The following AP1G1 variants were observed in gnomAD, a reference collection of about 807,000 sequenced individuals.
AP1G1 encodes the protein AP-1 complex subunit gamma-1.
A neutral mutation model predicts 108.3 loss-of-function variants in AP1G1; 7 were observed. The observed-to-expected ratio is 0.06, with a 90% CI of 0.04 to 0.12. The LOEUF (loss-of-function observed/expected upper bound fraction) is 0.12. Ranked by LOEUF, AP1G1 falls within the 10% of genes least tolerant of loss-of-function variation. The pLI, the probability that AP1G1 is intolerant of heterozygous loss-of-function variation, is 1.00. For synonymous variants in AP1G1, 379 were observed against 353.5 expected (o/e 1.07, Z -0.81); for missense variants, 756 against 1,010.7 (o/e 0.75, Z 3.42).
At chr16:71,797,550 C>G (rs1428857779) in intron 1 of AP1G1, among the ~76,000 whole-genome samples, 1 of 152,070 alleles carries the variant, frequency 6.6e-6, no homozygotes, top group African/African-American at 2.4e-5. Flanking sequence ...CCTGTAATCC[C>G]AGCACTTTGG....
Position 71,732,939 on chromosome 16 carries a change from A to T in AP1G1, c.*119T>A. ...TAACTTTAGGAAAATCCTCCTCAGC[A>T]GTTCTCTTCAGCTCCTCATGCCCGT... On this transcript the variant is annotated 3_prime_UTR_variant, in exon 23 of 23. Coordinates refer to ENST00000299980, the MANE Select transcript of AP1G1 (RefSeq NM_001128.6). 1 of 718,312 alleles carries T rather than the reference A, an allele frequency of 1.4e-6. No homozygotes were observed. 44.5% of individuals were successfully genotyped at this position (718,312 alleles called of 1,614,324 possible). A position where few individuals can be genotyped will look rare whatever the true frequency, so the allele number is the denominator to read the frequency against.
intron 11 of AP1G1, 149 bp from the exon 12 acceptor site, chr16:71,756,308 A>C: frequency 1.7e-6 from 1 of 596,376 alleles, no homozygotes; most frequent in South Asian, 3.2e-5. Context: ...CACACGAAAT[A>C]ACCAAGGAGA....
At position 71,750,317 on chromosome 16, in the gene AP1G1, G is replaced by A. The variant is rs768433108; in HGVS notation, c.1300C>T (p.Arg434Cys). Residue 434 changes from arginine (R) to cysteine (C), a missense_variant, in exon 14 of 23, where the codon CGT (arginine) becomes TGT (cysteine). Arg to Cys is a radical substitution (Grantham distance 180, BLOSUM62 -3). Coordinates refer to ENST00000299980, the MANE Select transcript of AP1G1 (RefSeq NM_001128.6). Reference sequence around the variant, plus strand: ...ATTAAATTGGGGACTGCATCATCACGAACATAACTTCCTGCCTAAAAGGAA... The same window carrying A: ...ATTAAATTGGGGACTGCATCATCACAAACATAACTTCCTGCCTAAAAGGAA... ...RVLTTAGSYV[R>C]DDAVPNLIQL... 19 of 1,613,888 alleles carry A rather than the reference G, an allele frequency of 1.2e-5. No individual in the cohort carries two copies. The highest frequency in any genetic ancestry group is 4.5e-5 in the East Asian group (2 of 44,864).
chr16:71,731,932 A>G lies in AP1G1; in HGVS notation c.*1126T>C, dbSNP rs1169424159. 1 of 152,680 alleles carries G rather than the reference A, an allele frequency of 6.5e-6. No individual in the cohort carries two copies. Among genetic ancestry groups the G allele is most frequent in the Admixed American group, 6.5e-5 (1 of 15,276 alleles). The allele number at this position is 152,680 out of a possible 1,614,324, so 9.5% of individuals were successfully genotyped here. On this transcript the variant is annotated 3_prime_UTR_variant, in exon 23 of 23. Coordinates refer to ENST00000299980, the MANE Select transcript of AP1G1 (RefSeq NM_001128.6). ...AGTGCCAGTGTTACAGATACAACAC[A>G]AATGTTCCAGTTAGAAGGAATTCAA... is the stretch of plus-strand genomic sequence containing the variant.
intron 1 of AP1G1, among the ~76,000 whole-genome samples, chr16:71,795,707 T>C (rs564796405): frequency 1.7e-4 from 26 of 152,372 alleles, no homozygotes; most frequent in Non-Finnish European, 2.9e-4. Flanking sequence ...TGTATTATGC[T>C]TCAATCAGAC....
chr16:71,808,163 T>G, intron 1 of AP1G1: 1 of 1,138,700 alleles, frequency 8.8e-7, no homozygotes, highest in Non-Finnish European at 1.1e-6. Context: ...GAGAAAAGGG[T>G]AAACAGTATA....
chr16:71,765,411 A>G (rs1397825105), intron 7 of AP1G1, 78 bp downstream of exon 7: 2 of 1,020,364 alleles, frequency 2.0e-6, no homozygotes, highest in African/African-American at 3.3e-5. Flanking sequence ...CTCAACACAA[A>G]CTTAAGAGGA....
At chr16:71,793,534 CAAAT>C (rs781140946) in intron 1 of AP1G1, among the ~76,000 whole-genome samples, 13 of 152,130 alleles carry the variant, frequency 8.5e-5, no homozygotes, top group Non-Finnish European at 1.5e-4. Flanking sequence ...CAAAAACAAA[CAAAT>C]AAATAAAAAC....
At chr16:71,739,725 G>C (rs1597034468) in intron 19 of AP1G1, among the ~76,000 whole-genome samples, 1 of 149,762 alleles carries the variant, frequency 6.7e-6, no homozygotes, top group Admixed American at 6.6e-5. Flanking sequence ...CCAGCCTGGG[G>C]GACAGAGCGA....
At chr16:71,742,348 A>T (rs531855001) in intron 19 of AP1G1, 2 of 152,152 alleles carry the variant, frequency 1.3e-5, no homozygotes, top group South Asian at 4.1e-4. Context: ...TACAAAATTT[A>T]AAAAATAATA....
chr16:71,765,061 T>C (rs1311505068), intron 7 of AP1G1, among the ~76,000 whole-genome samples: 1 of 152,178 alleles, frequency 6.6e-6, no homozygotes. Flanking sequence ...TAATTTGAAG[T>C]GGGGCACAGT....
chr16:71,773,190 C>G (rs1192694593), intron 4 of AP1G1, 31 bp downstream of exon 4: 2 of 1,610,408 alleles, frequency 1.2e-6, no homozygotes, highest in Non-Finnish European at 1.7e-6. Context: ...ACTCCCTAAT[C>G]CAAACAGACA....
chr16:71,755,403 C>T (rs1486053864), intron 12 of AP1G1, among the ~76,000 whole-genome samples: 2 of 152,036 alleles, frequency 1.3e-5, no homozygotes, highest in African/African-American at 4.8e-5. Context: ...TGCCACTGCA[C>T]TCCAGCCTAG....
chr16:71,768,663 C>T (rs1200087434), intron 6 of AP1G1, among the ~76,000 whole-genome samples: 2 of 151,412 alleles, frequency 1.3e-5, no homozygotes, highest in Admixed American at 1.3e-4. Context: ...CGCCTGTAAT[C>T]ACAGCACTTT....
chr16:71,758,727 T>C (rs2030931643), intron 11 of AP1G1, 81 bp downstream of exon 11: 1 of 780,212 alleles, frequency 1.3e-6, no homozygotes, highest in South Asian at 1.6e-5. Flanking sequence ...AAGTATCACA[T>C]GGCAGCGGCA....
At chr16:71,780,286 C>T (rs2031963163) in intron 2 of AP1G1, among the ~76,000 whole-genome samples, 1 of 151,882 alleles carries the variant, frequency 6.6e-6, no homozygotes, top group South Asian at 2.1e-4. Flanking sequence ...ACCGCGCCGG[C>T]CAAAAGTTTC....
chr16:71,746,935 CAAT>C lies in AP1G1; in HGVS notation c.1626-246_1626-244del, dbSNP rs569533176. Reference sequence around the variant, plus strand: ...TAAATATGCCATCCCCATTCAGCAACAATGATGGTGTGGAAAAAACACATATAT... The same window carrying C: ...TAAATATGCCATCCCCATTCAGCAACGATGGTGTGGAAAAAACACATATAT... On this transcript the variant is annotated intron_variant, in intron 16 of 22. Coordinates refer to ENST00000299980, the MANE Select transcript of AP1G1 (RefSeq NM_001128.6). The C allele has an allele frequency of 8.0e-3, 2,647 of 329,526 alleles. 20 individuals carry two copies. The highest frequency in any genetic ancestry group is 0.012 in the Non-Finnish European group (2,198 of 176,964). 20.4% of individuals were successfully genotyped at this position (329,526 alleles called of 1,614,324 possible). A position where few individuals can be genotyped will look rare whatever the true frequency, so the allele number is the denominator to read the frequency against.
rs1230582177 is a variant in AP1G1, at chr16:71,735,776, TGA to T, written c.2269-1071_2269-1070del. 2.0e-5 allele frequency among the ~76,000 whole-genome samples: 3 copies of T among 151,944 alleles called. No individual in the cohort carries two copies. The East Asian group carries it at 5.8e-4, about 29-fold the overall frequency. On this transcript the variant is annotated intron_variant, in intron 21 of 22. Coordinates refer to ENST00000299980, the MANE Select transcript of AP1G1 (RefSeq NM_001128.6). ...AAGTAGATTAAACTTCTAAAATATTTGAGAGAGAGAGACACTAGTCTTCTCTA... is the reference window on the plus strand; with the variant it reads ...AAGTAGATTAAACTTCTAAAATATTTGAGAGAGAGACACTAGTCTTCTCTA...
At chr16:71,745,705 G>T (rs1024166924) in intron 17 of AP1G1, 91 bp from the exon 18 acceptor site, 3 of 1,096,200 alleles carry the variant, frequency 2.7e-6, no homozygotes, top group Admixed American at 1.7e-5. Flanking sequence ...GCCCAAGCAT[G>T]GAGATCTATC....
Sources: allele counts gnomAD v4.1 joint callset (sites outside exome capture counted in the v4.1 genomes callset), GRCh38; gene constraint gnomAD v4.1.1; transcripts MANE v1.5; gene names NCBI Gene and HGNC (gene_info 2026-07-23, HGNC 2026-07-21).